The following DENND4A variants were observed in gnomAD, a reference collection of about 807,000 sequenced individuals.
DENND4A encodes C-myc promoter-binding protein.
A neutral mutation model predicts 199.3 loss-of-function variants in DENND4A; 70 were observed. The observed-to-expected ratio is 0.35, with a 90% CI of 0.29 to 0.43. The LOEUF is 0.43. Ranked by LOEUF, DENND4A falls within the 20% of genes least tolerant of loss-of-function variation. The pLI is 1.00. For synonymous variants in DENND4A, 686 were observed against 766.9 expected, an observed-to-expected ratio of 0.89 and a Z score of 1.74; for missense variants, 1,723 against 2,255.8, an observed-to-expected ratio of 0.76 and a Z score of 4.78.
At chr15:65,728,481 C>CT (rs2075872846) in intron 11 of DENND4A, among the ~76,000 whole-genome samples, 1 of 143,062 alleles carries the variant, frequency 7.0e-6, no homozygotes, top group Non-Finnish European at 1.5e-5. Flanking sequence ...TTCTTTTTTT[C>CT]TTTTTCTTTT....
intron 23 of DENND4A, 73 bp downstream of exon 23, chr15:65,690,342 C>A: frequency 6.9e-7 from 1 of 1,446,390 alleles, no homozygotes; most frequent in South Asian, 1.5e-5. Flanking sequence ...ATAGTTAAAA[C>A]GAGTAAGGGG....
chr15:65,775,083 T>C (rs901044669), intron 1 of DENND4A, among the ~76,000 whole-genome samples: 1 of 152,058 alleles, frequency 6.6e-6, no homozygotes, highest in Non-Finnish European at 1.5e-5. Flanking sequence ...TTTTCAGTCA[T>C]CCACTGCATG....
intron 1 of DENND4A, among the ~76,000 whole-genome samples, chr15:65,788,081 A>T (rs8026886): frequency 0.28 from 41,255 of 148,248 alleles, 6,111 homozygotes; most frequent in East Asian, 0.6. Flanking sequence ...TTATTTATTT[A>T]TTTTTTTTTT....
intron 1 of DENND4A, among the ~76,000 whole-genome samples, chr15:65,791,037 A>T (rs1452350884): frequency 2.0e-5 from 3 of 152,226 alleles, no homozygotes; most frequent in Non-Finnish European, 2.9e-5. Flanking sequence ...CTTCTTTTAC[A>T]TTCGGGCTAT....
chr15:65,740,482 G>T (rs2076230182), intron 5 of DENND4A, among the ~76,000 whole-genome samples: 1 of 150,902 alleles, frequency 6.6e-6, no homozygotes, highest in Non-Finnish European at 1.5e-5. Context: ...CAGGCACGGT[G>T]GCACATGCCA....
intron 12 of DENND4A, among the ~76,000 whole-genome samples, chr15:65,720,477 T>C (rs562510843): frequency 1.1e-4 from 17 of 150,034 alleles, no homozygotes; most frequent in Non-Finnish European, 2.4e-4. Flanking sequence ...AGTGGCACAA[T>C]CTTGGTTCAC....
Position 65,702,923 on chromosome 15 carries a change from T to C in DENND4A, c.2173A>G (p.Lys725Glu). 5 of 1,613,410 alleles carry C rather than the reference T, an allele frequency of 3.1e-6. No individual in the cohort carries two copies. The highest frequency in any genetic ancestry group is 4.2e-6 in the Non-Finnish European group (5 of 1,179,566). The change falls in exon 16 of 33, where the codon AAA becomes GAA. Residue 725 changes from lysine to glutamate, a missense_variant. Transcript: ENST00000443035. ...LQAKKNKLPS[K>E]SSSPNSPLPM... ...AAAGGGCTATTAGGACTACTTGATTTTGAAGGCAATTTGTTCTTCTTTGCT... is the reference window on the plus strand; with the variant it reads ...AAAGGGCTATTAGGACTACTTGATTCTGAAGGCAATTTGTTCTTCTTTGCT...
In DENND4A at chr15:65,772,800, A is replaced by G. The variant is rs182556391; in HGVS notation, c.-101-11362T>C. Among the ~76,000 whole-genome samples the G allele has an allele frequency of 1.8e-3, 275 of 150,504 alleles. 1 individual carries two copies. Among genetic ancestry groups the G allele is most frequent in the Non-Finnish European group, 3.1e-3 (209 of 67,688 alleles). On this transcript the variant is annotated intron_variant, in intron 1 of 32. Transcript: ENST00000443035. ...ACAGATTGGTCAATTATATGCACTC[A>G]TGCAGAATTTGAATCTAGAGCTAAA...
At chr15:65,683,250 T>A (rs1027430984) in intron 23 of DENND4A, among the ~76,000 whole-genome samples, 1 of 152,186 alleles carries the variant, frequency 6.6e-6, no homozygotes, top group Non-Finnish European at 1.5e-5. Flanking sequence ...TTAGGTGGGA[T>A]CTTTCTGATA....
intron 21 of DENND4A, 101 bp downstream of exon 21, chr15:65,697,166 G>T: frequency 1.4e-6 from 1 of 714,206 alleles, no homozygotes; most frequent in South Asian, 2.0e-5. Context: ...GAGTTATAAT[G>T]GAAAAATGGA....
rs947253042 is a variant in DENND4A, at chr15:65,761,359, C to G, written c.-23+1G>C. 5.3e-5 allele frequency: 8 copies of G among 152,200 alleles called. No homozygotes were observed. The highest frequency in any genetic ancestry group is 3.3e-4 in the Admixed American group (5 of 15,278). 9.4% of individuals were successfully genotyped at this position (152,200 alleles called of 1,614,324 possible). ...CAAAATGAAAGCCAAAAACTACTTA[C>G]ACATTACCGAAAGTTTCTCTCTGAA... is the stretch of plus-strand genomic sequence containing the variant. On this transcript the variant is annotated splice_donor_variant, in intron 2 of 32. Transcript: ENST00000443035. LOFTEE classifies it low-confidence loss of function (5UTR_SPLICE).
At chr15:65,686,826 A>C (rs1331005598) in intron 23 of DENND4A, among the ~76,000 whole-genome samples, 1 of 152,054 alleles carries the variant, frequency 6.6e-6, no homozygotes, top group Non-Finnish European at 1.5e-5. Flanking sequence ...AGTAGCTAGG[A>C]CTACATAGGT....
rs1435137020 is a variant in DENND4A, at chr15:65,720,947, T to TTCTATATATATA, written c.1588+1900_1588+1901insTATATATATAGA. On this transcript the variant is annotated intron_variant, in intron 12 of 32. Coordinates refer to ENST00000443035, the MANE Select transcript of DENND4A (RefSeq NM_001320835.1). Reference sequence around the variant, plus strand: ...AAAGTTGAATGGGCTGTTTCATTGATTATATATATATATATATATATATAT... The same window carrying TTCTATATATATA: ...AAAGTTGAATGGGCTGTTTCATTGATTCTATATATATATATATATATATATATATATATATAT... Among the ~76,000 whole-genome samples, 42 of 76,264 alleles carry TTCTATATATATA rather than the reference T, an allele frequency of 5.5e-4. 2 individuals carry two copies. The East Asian group carries it at 5.6e-3, about 10-fold the overall frequency. 50.0% of individuals were successfully genotyped at this position (76,264 alleles called of 152,430 possible).
intron 1 of DENND4A, among the ~76,000 whole-genome samples, chr15:65,764,368 C>T (rs1212588314): frequency 1.3e-5 from 2 of 152,096 alleles, no homozygotes; most frequent in Non-Finnish European, 2.9e-5. Context: ...TGGTAGCTCA[C>T]GCCTATAACC....
At position 65,664,504 on chromosome 15, in the gene DENND4A, C is replaced by A. The variant is rs1445606581; in HGVS notation, c.5522+56G>T. On this transcript the variant is annotated intron_variant, in intron 31 of 32. Transcript: ENST00000443035. ...TGAGATATTCTAACAAATTACTAAG[C>A]AAACAATATGAATCTGCCTAGGAGA... 3 of 1,567,038 alleles carry A rather than the reference C, an allele frequency of 1.9e-6. No individual in the cohort carries two copies. The Admixed American group carries it at 5.5e-5, about 29-fold the overall frequency.
At chr15:65,706,447 AACACACAC>A (rs77421887) in intron 14 of DENND4A, among the ~76,000 whole-genome samples, 2,044 of 130,296 alleles carry the variant, frequency 0.016, 29 homozygotes, top group East Asian at 0.034. Flanking sequence ...AGGGGAAAAT[AACACACAC>A]ACACACACAC....
chr15:65,722,160 A>G (rs1258347621), intron 12 of DENND4A, among the ~76,000 whole-genome samples: 1 of 152,140 alleles, frequency 6.6e-6, no homozygotes, highest in Non-Finnish European at 1.5e-5. Context: ...TTTGTCTTCG[A>G]TTTTCAAAAC....
rs560689503 is a variant in DENND4A at position 65,668,063 on chromosome 15, T to G, written c.4848A>C (p.Ser1616=). The change falls in exon 28 of 33, where the codon TCA becomes TCC. Residue 1616 remains serine (S), a synonymous_variant. Transcript: ENST00000443035. ...TTGGACATTTAGACATAGCTGTTTT[T>G]GATCTATTAGCAGGGATCTGAATAC... is the stretch of plus-strand genomic sequence containing the variant. The part of the protein sequence containing the change: ...TRSIQIPANR[S]KTAMSKCPIF... The G allele has an allele frequency of 3.2e-5, 51 of 1,611,324 alleles. 1 individual carries two copies. The South Asian group carries it at 5.5e-4, about 17-fold the overall frequency.
At chr15:65,761,576 G>C (rs2076850166) in intron 1 of DENND4A, 138 bp from the exon 2 acceptor site, 1 of 151,706 alleles carries the variant, frequency 6.6e-6, no homozygotes, top group African/African-American at 2.4e-5. Context: ...TTGTGGTTAA[G>C]AGCCAATAAG....
Sources: gnomAD v4.1 joint callset for allele counts (sites outside exome capture counted in the v4.1 genomes callset) on GRCh38, gnomAD v4.1.1 for gene constraint, MANE v1.5 for transcripts, NCBI Gene and HGNC (gene_info 2026-07-23, HGNC 2026-07-21) for gene names.